Variants in ICE2 observed in about 807,000 individuals in gnomAD.
The protein encoded by ICE2 is interactor of little elongation complex ELL subunit 2.
ICE2 carries 87 observed loss-of-function variants against 105.4 expected under a neutral mutation model. The observed-to-expected ratio is 0.83, with a 90% CI of 0.69 to 0.99. ICE2 has a LOEUF of 0.99. Ranked by LOEUF, ICE2 falls within the 50% of genes least tolerant of loss-of-function variation. ICE2 has a pLI of 0.00. For synonymous variants in ICE2, 399 were observed against 392.0 expected (o/e 1.02, Z -0.21); for missense variants, 1,323 against 1,146.7 (o/e 1.15, Z -2.22).
chr15:60,435,711 C>A (rs1271724568), intron 13 of ICE2, among the ~76,000 whole-genome samples: 1 of 152,112 alleles, frequency 6.6e-6, no homozygotes. Flanking sequence ...CATGGTGGTT[C>A]ATGCCTGTAA....
intron 3 of ICE2, among the ~76,000 whole-genome samples, chr15:60,471,600 T>C (rs1300206645): frequency 1.3e-5 from 2 of 152,250 alleles, no homozygotes; most frequent in South Asian, 2.1e-4. Flanking sequence ...AATGAAATGG[T>C]AGCACATCAA....
chr15:60,456,782 C>T lies in ICE2; in HGVS notation c.541G>A (p.Ala181Thr). ...TACTTTTTCACTTGTTCAATGCAAG[C>T]TCTTAAAATTTTCTGAGAAACAGAA... Reference protein sequence around the residue: ...ARLFTEKILRACIEQVKKYSE... With the variant: ...ARLFTEKILRTCIEQVKKYSE... Residue 181 changes from alanine (A) to threonine (T), a missense_variant, in exon 6 of 16, where the codon GCT becomes ACT. Transcript: ENST00000261520. 6.7e-7 allele frequency: 1 copy of T among 1,487,570 alleles called. No individual in the cohort carries two copies. The highest frequency in any genetic ancestry group is 8.9e-7 in the Non-Finnish European group (1 of 1,118,208). The allele number at this position is 1,487,570 out of a possible 1,614,324, so 92.1% of individuals were successfully genotyped here.
chr15:60,457,293 A>G (rs1179244170), intron 5 of ICE2, among the ~76,000 whole-genome samples: 1 of 152,182 alleles, frequency 6.6e-6, no homozygotes. Context: ...TGTTTTCAAA[A>G]TATTAATGAC....
At chr15:60,438,595 G>A (rs1462625285) in intron 12 of ICE2, 1 of 152,182 alleles carries the variant, frequency 6.6e-6, no homozygotes, top group Admixed American at 6.5e-5. Context: ...ATGTCTTTGA[G>A]AAGACTAATA....
intron 14 of ICE2, 58 bp downstream of exon 14, chr15:60,431,876 A>C (rs1437108813): frequency 5.1e-6 from 5 of 980,964 alleles, no homozygotes; most frequent in Non-Finnish European, 7.8e-6. Context: ...AAAGTTTCTA[A>C]GAATTTTCAT....
In ICE2 at chr15:60,421,312, C is replaced by T. The variant is rs1344171010; in HGVS notation, c.*2322G>A. The T allele has an allele frequency of 6.6e-6, 1 of 152,166 alleles. No homozygotes were observed. Among genetic ancestry groups the T allele is most frequent in the African/African-American group, 2.4e-5 (1 of 41,450 alleles). 9.4% of individuals were successfully genotyped at this position (152,166 alleles called of 1,614,324 possible). ...CTCACTGCAGCCTCAAACTCCTAGA[C>T]TCAAGCGATCCTCCCACCTCAGCTT... On this transcript the variant is annotated 3_prime_UTR_variant, in exon 16 of 16. Coordinates refer to ENST00000261520, the MANE Select transcript of ICE2 (RefSeq NM_024611.6).
In ICE2 at chr15:60,448,937, G is replaced by A. The variant is rs780446549; in HGVS notation, c.2030C>T (p.Pro677Leu). 3.7e-6 allele frequency: 6 copies of A among 1,613,688 alleles called. No homozygotes were observed. Among genetic ancestry groups the A allele is most frequent in the African/African-American group, 1.3e-5 (1 of 74,902 alleles). The change falls in exon 10 of 16, where the codon CCT becomes CTT. Residue 677 changes from proline (P) to leucine (L), a missense_variant. By Grantham distance (98) the Pro-to-Leu change is moderately conservative. Transcript: ENST00000261520. ...ACCAGACAATTGCTCAGAAACAGAA[G>A]GCTGTTTAGAATTTTCTAAATTCAT... ...PLMNLENSKQ[P>L]SVSEQLSGPS...
chr15:60,472,526 A>G (rs1465128434), intron 3 of ICE2, among the ~76,000 whole-genome samples: 1 of 152,248 alleles, frequency 6.6e-6, no homozygotes, highest in Non-Finnish European at 1.5e-5. Flanking sequence ...TTATACTAAT[A>G]GATTATTTTG....
intron 12 of ICE2, chr15:60,441,438 T>C (rs927997417): frequency 1.6e-4 from 25 of 152,198 alleles, no homozygotes; most frequent in African/African-American, 5.8e-4. Context: ...ATTTATTACA[T>C]ACAAGCAATC....
intron 13 of ICE2, among the ~76,000 whole-genome samples, chr15:60,434,395 C>T (rs2141010340): frequency 6.6e-6 from 1 of 152,192 alleles, no homozygotes; most frequent in African/African-American, 2.4e-5. Context: ...TACTTTGGCT[C>T]TAGCCTCCCT....
intron 3 of ICE2, among the ~76,000 whole-genome samples, chr15:60,473,138 T>A (rs1287996746): frequency 6.6e-6 from 1 of 152,084 alleles, no homozygotes; most frequent in Admixed American, 6.5e-5. Context: ...AGACAAGGTC[T>A]TGATATGTTG....
At chr15:60,441,189 T>G (rs890553289) in intron 12 of ICE2, 4 of 152,166 alleles carry the variant, frequency 2.6e-5, no homozygotes, top group Non-Finnish European at 4.4e-5. Flanking sequence ...CATTGAAATT[T>G]TGGTTACAGA....
intron 5 of ICE2, among the ~76,000 whole-genome samples, chr15:60,464,237 GTT>G (rs1452303204): frequency 6.6e-6 from 1 of 152,174 alleles, no homozygotes; most frequent in Non-Finnish European, 1.5e-5. Flanking sequence ...AATGTACTTT[GTT>G]AATAAAGTAC....
rs534192174 is a variant in ICE2, at chr15:60,448,867, T to C, written c.2100A>G (p.Ala700=). Residue 700 remains alanine, a synonymous_variant, in exon 10 of 16, where the codon GCA becomes GCG. Transcript: ENST00000261520. ...SSWPKSGWPS[A]FQKPKGRLPY... The stretch of plus-strand genomic sequence containing the variant: ...ACTTACGTCCTTTTGGCTTCTGAAA[T>C]GCAGAAGGCCATCCAGATTTCGGCC... 10 of 1,584,474 alleles carry C rather than the reference T, an allele frequency of 6.3e-6. No homozygotes were observed. The African/African-American group carries it at 1.4e-4, about 22-fold the overall frequency.
rs58834014 is a variant in ICE2 at position 60,472,001 on chromosome 15, C to T, written c.147-3679G>A. On this transcript the variant is annotated intron_variant, in intron 3 of 15. Transcript: ENST00000261520. ...ATATTTCCATTTAAAGCTATTTCCC[C>T]GCTTGTTTGCTTAAAACTCAGTTAC... Among the ~76,000 whole-genome samples, 134 of 151,760 alleles carry T rather than the reference C, an allele frequency of 8.8e-4. No individual in the cohort carries two copies. The East Asian group carries it at 0.024, about 27-fold the overall frequency.
chr15:60,454,289 A>G (rs1233988893), intron 8 of ICE2, among the ~76,000 whole-genome samples: 1 of 152,236 alleles, frequency 6.6e-6, no homozygotes, highest in African/African-American at 2.4e-5. Context: ...TATTGTCAAA[A>G]GAAAGACTAC....
chr15:60,446,658 G>T (rs957950706), intron 11 of ICE2, among the ~76,000 whole-genome samples: 1 of 152,130 alleles, frequency 6.6e-6, no homozygotes, highest in Admixed American at 6.5e-5. Context: ...GCCTCCCAAA[G>T]TGCTGGGATT....
At position 60,428,605 on chromosome 15, in the gene ICE2, T is replaced by A. The variant is rs1036976389; in HGVS notation, c.2644A>T (p.Thr882Ser). 1 of 1,614,040 alleles carries A rather than the reference T, an allele frequency of 6.2e-7. No homozygotes were observed. The highest frequency in any genetic ancestry group is 1.3e-5 in the African/African-American group (1 of 74,902). ...TTATACAAATTGTATGCTGTCCTAG[T>A]AACTTTTCCATCAGAGGCCTTATAA... ...LIYKASDGKV[T>S]RTAYNLYKTH... Residue 882 changes from threonine (T) to serine (S), a missense_variant, in exon 15 of 16, where the codon ACT becomes TCT. Coordinates refer to ENST00000261520, the MANE Select transcript of ICE2 (RefSeq NM_024611.6).
chr15:60,429,322 GATAA>G (rs1328952903), intron 14 of ICE2, among the ~76,000 whole-genome samples: 2 of 152,172 alleles, frequency 1.3e-5, no homozygotes, highest in East Asian at 1.9e-4. Context: ...AATTTAGGGT[GATAA>G]ATAAACAAAT....
Sources: gnomAD v4.1 joint callset for allele counts (sites outside exome capture counted in the v4.1 genomes callset) on GRCh38, gnomAD v4.1.1 for gene constraint, MANE v1.5 for transcripts, NCBI Gene and HGNC (gene_info 2026-07-23, HGNC 2026-07-21) for gene names.